Variants in C9orf85 observed in about 807,000 individuals in gnomAD.
C9orf85 encodes the protein chromosome 9 open reading frame 85.
In C9orf85, 16 loss-of-function variants were observed where a neutral mutation model predicts 14.9. The observed-to-expected ratio is 1.08, with a 90% CI of 0.73 to 1.63. The LOEUF is 1.63. Ranked by LOEUF, C9orf85 falls within the 40% of genes most tolerant of loss-of-function variation. The probability of loss-of-function intolerance (pLI) is 0.00; values close to 1 mark genes in which losing one functional copy is unlikely to be tolerated. For synonymous variants in C9orf85, 45 were observed against 56.8 expected (o/e 0.79, Z 0.93); for missense variants, 172 against 186.1 (o/e 0.92, Z 0.44).
chr9:71,954,255 T>G (rs1302233982), intron 2 of C9orf85, among the ~76,000 whole-genome samples: 2 of 139,108 alleles, frequency 1.4e-5, no homozygotes, highest in Non-Finnish European at 1.5e-5. Context: ...AATGTGAGAG[T>G]TGGCTGGGGG....
intron 1 of C9orf85, among the ~76,000 whole-genome samples, chr9:71,920,539 A>G (rs1827770890): frequency 6.6e-6 from 1 of 152,188 alleles, no homozygotes; most frequent in South Asian, 2.1e-4. Flanking sequence ...AGTTAGACAC[A>G]AAACCTTGGG....
intron 1 of C9orf85, chr9:71,918,458 GT>G: frequency 7.7e-7 from 1 of 1,303,092 alleles, no homozygotes; most frequent in Non-Finnish European, 1.0e-6. Flanking sequence ...TGATGTTTGA[GT>G]TTGTCTCCCT....
intron 1 of C9orf85, among the ~76,000 whole-genome samples, chr9:71,944,413 G>T (rs1822028547): frequency 6.6e-6 from 1 of 151,518 alleles, no homozygotes; most frequent in Non-Finnish European, 1.5e-5. Context: ...TTCCACTGAA[G>T]ATTTTTTTTT....
intron 1 of C9orf85, among the ~76,000 whole-genome samples, chr9:71,944,960 A>C (rs1019245450): frequency 2.0e-5 from 3 of 152,186 alleles, no homozygotes; most frequent in African/African-American, 7.2e-5. Context: ...CACCCTAAAG[A>C]AACCAGTTTC....
chr9:71,980,575 C>A (rs1823081735), intron 3 of C9orf85, among the ~76,000 whole-genome samples: 1 of 152,068 alleles, frequency 6.6e-6, no homozygotes, highest in African/African-American at 2.4e-5. Context: ...TTACACTTCC[C>A]AACAGTGTAC....
At chr9:71,920,233 T>G (rs1827761339) in intron 1 of C9orf85, among the ~76,000 whole-genome samples, 2 of 152,242 alleles carry the variant, frequency 1.3e-5, no homozygotes, top group African/African-American at 4.8e-5. Context: ...CTTCATTTTA[T>G]GTCTAATACA....
intron 1 of C9orf85, among the ~76,000 whole-genome samples, chr9:71,937,285 T>A (rs1325768487): frequency 6.6e-6 from 1 of 152,190 alleles, no homozygotes; most frequent in East Asian, 1.9e-4. Context: ...GGCTCCACTT[T>A]GTGTATGCAT....
intron 1 of C9orf85, among the ~76,000 whole-genome samples, chr9:71,924,644 C>T (rs1023202567): frequency 6.6e-6 from 1 of 152,090 alleles, no homozygotes; most frequent in African/African-American, 2.4e-5. Context: ...ATTTTAAATG[C>T]TTTGTTGTTC....
intron 1 of C9orf85, among the ~76,000 whole-genome samples, chr9:71,936,620 CAT>C (rs1289775185): frequency 6.6e-6 from 1 of 152,084 alleles, no homozygotes; most frequent in Admixed American, 6.5e-5. Context: ...ACGAGTGACT[CAT>C]AGTTAATAAT....
intron 1 of C9orf85, among the ~76,000 whole-genome samples, chr9:71,928,804 A>AT (rs1386156366): frequency 6.6e-6 from 1 of 152,210 alleles, no homozygotes; most frequent in African/African-American, 2.4e-5. Context: ...AAAAGGTAGT[A>AT]TTTTATTACA....
At chr9:71,956,029 A>G (rs560968755) in intron 2 of C9orf85, among the ~76,000 whole-genome samples, 3 of 152,336 alleles carry the variant, frequency 2.0e-5, no homozygotes, top group African/African-American at 7.2e-5. Context: ...TTAGTTTACA[A>G]ATAAATACAT....
intron 1 of C9orf85, among the ~76,000 whole-genome samples, chr9:71,915,974 A>G (rs542251689): frequency 4.7e-4 from 72 of 152,328 alleles, no homozygotes; most frequent in African/African-American, 1.7e-3. Flanking sequence ...CACATGTGTT[A>G]TCTGGTACCA....
At chr9:71,944,837 A>G (rs1017398283) in intron 1 of C9orf85, among the ~76,000 whole-genome samples, 5 of 152,156 alleles carry the variant, frequency 3.3e-5, no homozygotes, top group Middle Eastern at 3.2e-3. Flanking sequence ...GTTTAATTTG[A>G]TAGTAGTGCC....
At position 71,936,140 on chromosome 9, in the gene C9orf85, T is replaced by C. The variant is rs374083286; in HGVS notation, c.103-10866T>C. On this transcript the variant is annotated intron_variant, in intron 1 of 3. Transcript: ENST00000334731. ...CAGATTGTATTGCTAATTGAGTGAT[T>C]GCTGTTTGGTCTTTGAATCTGAGGT... Among the ~76,000 whole-genome samples, 15 of 152,266 alleles carry C rather than the reference T, an allele frequency of 9.9e-5. 1 individual carries two copies. The highest frequency in any genetic ancestry group is 5.2e-4 in the Admixed American group (8 of 15,302).
chr9:71,960,076 A>G (rs907781196), intron 2 of C9orf85, among the ~76,000 whole-genome samples: 1 of 152,194 alleles, frequency 6.6e-6, no homozygotes, highest in Non-Finnish European at 1.5e-5. Context: ...TGTGAGTAAA[A>G]GGAGAAAGAG....
downstream of C9orf85, among the ~76,000 whole-genome samples, chr9:71,974,453 A>C (rs1169592447): frequency 6.6e-6 from 1 of 151,920 alleles, no homozygotes. Flanking sequence ...CATGTTGGCC[A>C]GGTGGTCTCG....
intron 2 of C9orf85, among the ~76,000 whole-genome samples, chr9:71,959,396 C>G (rs1014427708): frequency 2.0e-5 from 3 of 152,156 alleles, no homozygotes; most frequent in Admixed American, 6.5e-5. Flanking sequence ...CTCAGCCTCC[C>G]AAAGTGCTGG....
At chr9:71,920,682 C>T (rs1030555699) in intron 1 of C9orf85, among the ~76,000 whole-genome samples, 2 of 152,208 alleles carry the variant, frequency 1.3e-5, no homozygotes, top group African/African-American at 4.8e-5. Flanking sequence ...GCTGCCAGCT[C>T]ACTTCAACCT....
intron 2 of C9orf85, among the ~76,000 whole-genome samples, chr9:71,963,484 T>C (rs1331470068): frequency 1.3e-5 from 2 of 152,150 alleles, no homozygotes; most frequent in Non-Finnish European, 2.9e-5. Context: ...TGGTAGCCCC[T>C]TTCTGGGCTG....
Sources: allele counts gnomAD v4.1 joint callset (sites outside exome capture counted in the v4.1 genomes callset), GRCh38; gene constraint gnomAD v4.1.1; transcripts MANE v1.5; gene names NCBI Gene and HGNC (gene_info 2026-07-23, HGNC 2026-07-21).